The following COQ2 variants were observed in gnomAD, a reference collection of about 807,000 sequenced individuals.
The protein encoded by COQ2 is 4-hydroxybenzoate polyprenyltransferase, mitochondrial.
A neutral mutation model predicts 35.7 loss-of-function variants in COQ2; 25 were observed. That is an observed-to-expected ratio of 0.70 (90% confidence interval 0.51 to 0.98). The LOEUF (loss-of-function observed/expected upper bound fraction) is 0.98, where lower values mean the gene tolerates loss of function less well. Ranked by LOEUF, COQ2 falls within the 50% of genes least tolerant of loss-of-function variation. The probability of loss-of-function intolerance (pLI) is 0.00; values close to 1 mark genes in which losing one functional copy is unlikely to be tolerated. For synonymous variants in COQ2, 206 were observed against 186.2 expected (o/e 1.11, Z -0.86); for missense variants, 488 against 473.5 (o/e 1.03, Z -0.28).
At chr4:83,265,190 T>C (rs1230763365) in intron 6 of COQ2, among the ~76,000 whole-genome samples, 1 of 152,206 alleles carries the variant, frequency 6.6e-6, no homozygotes, top group Non-Finnish European at 1.5e-5. Flanking sequence ...TTCTTTATTA[T>C]GTGGTCTGCA....
rs863223934 is a variant in COQ2 at position 83,284,731 on chromosome 4, C to A, written c.34G>T (p.Gly12Cys). The change falls in exon 1 of 7, where the codon GGC (glycine) becomes TGC (cysteine). Residue 12 changes from glycine (G) to cysteine (C), a missense_variant. By Grantham distance (159) the Gly-to-Cys change is radical (BLOSUM62 -3). Transcript: ENST00000647002. ...CACGCCAGTGCCACAGCCCGCAGGC[C>A]CCGCGCGAACCCCGCGGCTCGCGAG... ...LGSRAAGFAR[G>C]LRAVALAWLP... is the part of the protein sequence containing the mutation. 1 of 1,521,252 alleles carries A rather than the reference C, an allele frequency of 6.6e-7. No homozygotes were observed. The highest frequency in any genetic ancestry group is 1.2e-5 in the South Asian group (1 of 81,782). The allele number at this position is 1,521,252 out of a possible 1,614,324, so 94.2% of individuals were successfully genotyped here.
chr4:83,269,960 C>T lies in COQ2; in HGVS notation c.662G>A (p.Trp221Ter). 6.2e-7 allele frequency: 1 copy of T among 1,612,850 alleles called. No individual in the cohort carries two copies. Among genetic ancestry groups the T allele is most frequent in the South Asian group, 1.1e-5 (1 of 90,826 alleles). Residue 221 changes from tryptophan to a stop codon, truncating the protein, a stop_gained, in exon 5 of 7, where the codon TGG becomes TAG. Coordinates refer to ENST00000647002, the MANE Select transcript of COQ2 (RefSeq NM_001358921.2). LOFTEE classifies it high-confidence loss of function. ...LTFNWGALLG[W>*]SAIKGSCDPS... Reference sequence around the variant, plus strand: ...ATCACAGGAACCCTTGATAGCAGACCATCCAAGTAACGCTCCCCAATTAAA... The same window carrying T: ...ATCACAGGAACCCTTGATAGCAGACTATCCAAGTAACGCTCCCCAATTAAA...
At position 83,269,891 on chromosome 4, in the gene COQ2, G is replaced by A. The variant is rs376333414; in HGVS notation, c.731C>T (p.Thr244Ile). 3.1e-6 allele frequency: 5 copies of A among 1,608,912 alleles called. No homozygotes were observed. The highest frequency in any genetic ancestry group is 1.1e-5 in the South Asian group (1 of 90,750). ...LPLYFSGVMW[T>I]LIYDTIYAHQ... ...GGCATAAATAGTATCATATATTAGT[G>A]TCCACATAACTCCAGAAAAATAAAG... The change falls in exon 5 of 7, where the codon ACA becomes ATA. Residue 244 changes from threonine (T) to isoleucine (I), a missense_variant. Transcript: ENST00000647002.
Position 83,284,628 on chromosome 4 carries a change from G to T in COQ2, c.137C>A (p.Pro46His). Residue 46 changes from proline to histidine, a missense_variant, in exon 1 of 7, where the codon CCC (proline) becomes CAC (histidine). Physicochemically the swap from Pro to His is moderately conservative, Grantham distance 77. Coordinates refer to ENST00000647002, the MANE Select transcript of COQ2 (RefSeq NM_001358921.2). ...GAPHGGDLQP[P>H]ACPEPRGRQL... ...GCGCCCGCGCGGCTCGGGACAGGCGGGGGGCTGCAAGTCACCACCGTGGGG... is the reference window on the plus strand; with the variant it reads ...GCGCCCGCGCGGCTCGGGACAGGCGTGGGGCTGCAAGTCACCACCGTGGGG... 6.6e-7 allele frequency: 1 copy of T among 1,514,666 alleles called. No homozygotes were observed. The highest frequency in any genetic ancestry group is 8.8e-7 in the Non-Finnish European group (1 of 1,133,098). 93.8% of individuals were successfully genotyped at this position (1,514,666 alleles called of 1,614,324 possible). A position where few individuals can be genotyped will look rare whatever the true frequency, so the allele number is the denominator to read the frequency against.
At chr4:83,283,772 G>A (rs1009705894) in intron 1 of COQ2, 5 of 985,284 alleles carry the variant, frequency 5.1e-6, no homozygotes, top group African/African-American at 3.5e-5. Flanking sequence ...ATCAACAAGC[G>A]CATAAGGTTA....
At chr4:83,282,368 C>T (rs1735345182) in intron 1 of COQ2, among the ~76,000 whole-genome samples, 1 of 152,184 alleles carries the variant, frequency 6.6e-6, no homozygotes, top group East Asian at 1.9e-4. Flanking sequence ...ACAACGAACA[C>T]ATAATTATCC....
chr4:83,283,574 T>C (rs1197512314), intron 1 of COQ2: 1 of 985,382 alleles, frequency 1.0e-6, no homozygotes, highest in Non-Finnish European at 1.2e-6. Context: ...AATTTCTCTT[T>C]TTCCTGTAGC....
At chr4:83,276,692 G>T (rs1404239318) in intron 2 of COQ2, among the ~76,000 whole-genome samples, 1 of 152,124 alleles carries the variant, frequency 6.6e-6, no homozygotes, top group Non-Finnish European at 1.5e-5. Context: ...CCACTAGTGG[G>T]TATCTACCCA....
intron 6 of COQ2, among the ~76,000 whole-genome samples, chr4:83,266,387 T>C (rs1303807827): frequency 6.6e-6 from 1 of 151,978 alleles, no homozygotes; most frequent in Admixed American, 6.6e-5. Flanking sequence ...AGATGGAGTC[T>C]TGCTCTGTCG....
chr4:83,278,599 T>A (rs1735238133), intron 2 of COQ2, among the ~76,000 whole-genome samples: 1 of 152,208 alleles, frequency 6.6e-6, no homozygotes, highest in South Asian at 2.1e-4. Context: ...CTAAAATACA[T>A]CTTAAAGGAA....
At chr4:83,274,474 C>T (rs1346978968) in intron 2 of COQ2, among the ~76,000 whole-genome samples, 4 of 152,174 alleles carry the variant, frequency 2.6e-5, no homozygotes, top group Admixed American at 6.5e-5. Flanking sequence ...GGATTATAAG[C>T]GTGAGCCACG....
intron 6 of COQ2, 122 bp from the exon 7 acceptor site, chr4:83,264,485 A>G (rs1357974259): frequency 2.9e-6 from 4 of 1,403,182 alleles, no homozygotes; most frequent in Non-Finnish European, 3.7e-6. Flanking sequence ...AAAAAATGAA[A>G]AATTAGCTAG....
intron 1 of COQ2, among the ~76,000 whole-genome samples, chr4:83,279,855 C>T (rs78313628): frequency 0.027 from 3,379 of 123,574 alleles, 137 homozygotes; most frequent in African/African-American, 0.086. Context: ...CTTAGACGGT[C>T]TAGTCTTTTT....
chr4:83,281,524 T>C (rs2126176082), intron 1 of COQ2: 1 of 152,336 alleles, frequency 6.6e-6, no homozygotes, highest in African/African-American at 2.4e-5. Flanking sequence ...GTCTGCCACT[T>C]GTAAGTTGAG....
intron 6 of COQ2, 111 bp downstream of exon 6, chr4:83,267,475 G>T: frequency 1.1e-6 from 1 of 940,202 alleles, no homozygotes; most frequent in Non-Finnish European, 1.6e-6. Flanking sequence ...TAGAAGCCAA[G>T]TAGTTGTTTA....
At chr4:83,270,574 G>C (rs553859922) in intron 4 of COQ2, among the ~76,000 whole-genome samples, 6 of 152,150 alleles carry the variant, frequency 3.9e-5, no homozygotes, top group African/African-American at 1.4e-4. Context: ...TTCTCTGCCT[G>C]CAAGTTGCTC....
intron 5 of COQ2, 116 bp from the exon 6 acceptor site, chr4:83,267,890 C>A: frequency 3.9e-6 from 3 of 774,818 alleles, no homozygotes; most frequent in Admixed American, 3.1e-5. Flanking sequence ...GTTGTGCAAC[C>A]AATTACCACT....
At chr4:83,278,867 T>C (rs915669905) in intron 2 of COQ2, 81 bp downstream of exon 2, 68 of 1,363,136 alleles carry the variant, frequency 5.0e-5, no homozygotes, top group Admixed American at 2.3e-4. Context: ...TGTTGCTTTA[T>C]ATGGCATTCA....
At chr4:83,279,388 G>A (rs1172769638) in intron 1 of COQ2, among the ~76,000 whole-genome samples, 5 of 152,048 alleles carry the variant, frequency 3.3e-5, no homozygotes, top group African/African-American at 9.7e-5. Context: ...CATATGAAAA[G>A]ATACTCAACT....
Sources: gnomAD v4.1 joint callset for allele counts (sites outside exome capture counted in the v4.1 genomes callset) on GRCh38, gnomAD v4.1.1 for gene constraint, MANE v1.5 for transcripts, NCBI Gene and HGNC (gene_info 2026-07-23, HGNC 2026-07-21) for gene names.